The following PCDHA8 variants were observed in gnomAD, a reference collection of about 807,000 sequenced individuals.
The protein encoded by PCDHA8 is protocadherin alpha-8.
PCDHA8 carries 53 observed loss-of-function variants against 61.8 expected under a neutral mutation model. The observed-to-expected ratio is 0.86, with a 90% CI of 0.69 to 1.08. The LOEUF (loss-of-function observed/expected upper bound fraction) is 1.08, where lower values mean the gene tolerates loss of function less well. Among genes scored for constraint, PCDHA8 ranks in the 50% least tolerant of loss-of-function variants. The pLI is 0.00. For missense variants in PCDHA8, 1,293 were observed against 1,245.0 expected (o/e 1.04, Z -0.58); for synonymous variants, 618 against 556.6 (o/e 1.11, Z -1.55).
chr5:141,001,324 C>G (rs1455380423), intron 3 of PCDHA8, among the ~76,000 whole-genome samples: 2 of 152,154 alleles, frequency 1.3e-5, no homozygotes, highest in Non-Finnish European at 1.5e-5. Flanking sequence ...TGCCAAACAT[C>G]ACCATAATTT....
chr5:140,890,621 A>G (rs1209531386), intron 1 of PCDHA8, among the ~76,000 whole-genome samples: 1 of 152,174 alleles, frequency 6.6e-6, no homozygotes, highest in Non-Finnish European at 1.5e-5. Context: ...TACCCTAGAA[A>G]ATTAAGCATG....
rs2150325901 is a variant in PCDHA8 at position 140,841,940 on chromosome 5, G to A, written c.619G>A (p.Ala207Thr). ...RKSLDREDAP[A>T]HHLFLTATDG... Reference sequence around the variant, plus strand: ...ATCCTTGGACAGAGAGGACGCTCCTGCGCACCACTTATTCCTGACAGCCAC... The same window carrying A: ...ATCCTTGGACAGAGAGGACGCTCCTACGCACCACTTATTCCTGACAGCCAC... Residue 207 changes from alanine (A) to threonine (T), a missense_variant, in exon 1 of 4, where the codon GCG becomes ACG. Ala to Thr is a moderately conservative substitution (Grantham distance 58). Transcript: ENST00000531613. 5.0e-6 allele frequency: 8 copies of A among 1,613,930 alleles called. No individual in the cohort carries two copies. In the South Asian group the frequency reaches 6.6e-5, roughly 13 times the overall value.
At chr5:140,957,373 T>G (rs906109440) in intron 1 of PCDHA8, among the ~76,000 whole-genome samples, 1 of 152,192 alleles carries the variant, frequency 6.6e-6, no homozygotes, top group Non-Finnish European at 1.5e-5. Flanking sequence ...ACTTTTATTA[T>G]AGTGTATTGT....
rs955217729 is a variant in PCDHA8 at position 140,843,931 on chromosome 5, A to T, written c.2394+216A>T. The T allele has an allele frequency of 6.9e-6, 4 of 582,802 alleles. 1 individual carries two copies. Among genetic ancestry groups the T allele is most frequent in the Non-Finnish European group, 1.2e-5 (4 of 332,650 alleles). The allele number at this position is 582,802 out of a possible 1,614,324, so 36.1% of individuals were successfully genotyped here. Reference sequence around the variant, plus strand: ...TTGGGTCTATCTTGAAACTCAAGTTATGGTTGGATGATATCCATTTTTTAC... The same window carrying T: ...TTGGGTCTATCTTGAAACTCAAGTTTTGGTTGGATGATATCCATTTTTTAC... On this transcript the variant is annotated intron_variant, in intron 1 of 3. Coordinates refer to ENST00000531613, the MANE Select transcript of PCDHA8 (RefSeq NM_018911.3).
chr5:140,974,309 TGA>T (rs1190034770), intron 1 of PCDHA8, among the ~76,000 whole-genome samples: 4 of 152,212 alleles, frequency 2.6e-5, no homozygotes, highest in South Asian at 4.1e-4. Context: ...CAACTGTGAG[TGA>T]GAGAGTAGCT....
chr5:140,991,139 G>GT (rs1563571112), intron 3 of PCDHA8, among the ~76,000 whole-genome samples: 3 of 152,126 alleles, frequency 2.0e-5, no homozygotes, highest in Non-Finnish European at 4.4e-5. Flanking sequence ...TAGTAAAAAT[G>GT]TTTTTTGCTC....
intron 1 of PCDHA8, among the ~76,000 whole-genome samples, chr5:140,935,971 C>A (rs1563151362): frequency 6.7e-6 from 1 of 149,774 alleles, no homozygotes; most frequent in African/African-American, 2.5e-5. Context: ...TGGCTCACTG[C>A]AATCTCTGCC....
At chr5:140,926,782 C>G in intron 1 of PCDHA8, 1 of 1,403,504 alleles carries the variant, frequency 7.1e-7, no homozygotes, top group Non-Finnish European at 9.3e-7. Context: ...GCAGTGACGG[C>G]CGGCAGGAGC....
intron 2 of PCDHA8, among the ~76,000 whole-genome samples, chr5:140,979,303 C>A (rs1048294748): frequency 6.6e-6 from 1 of 152,148 alleles, no homozygotes; most frequent in Non-Finnish European, 1.5e-5. Context: ...CTCCTTCATC[C>A]CTCTCTACCT....
At chr5:140,923,753 T>C (rs1554201575) in intron 1 of PCDHA8, among the ~76,000 whole-genome samples, 1 of 152,174 alleles carries the variant, frequency 6.6e-6, no homozygotes. Flanking sequence ...AGGCATATGG[T>C]GGGACAAATC....
rs574140858 is a variant in PCDHA8 at position 140,929,782 on chromosome 5, A to C, written c.2395-49167A>C. On this transcript the variant is annotated intron_variant, in intron 1 of 3. Coordinates refer to ENST00000531613, the MANE Select transcript of PCDHA8 (RefSeq NM_018911.3). The stretch of plus-strand genomic sequence containing the variant: ...GACGATAACCACAAAAGATGTAAAA[A>C]TAAATTACAATGGGGGTTAAAAGAA... The C allele has an allele frequency of 1.8e-5, 3 of 168,346 alleles. No individual in the cohort carries two copies. The Admixed American group carries it at 1.9e-4, about 11-fold the overall frequency. 10.4% of individuals were successfully genotyped at this position (168,346 alleles called of 1,614,324 possible). A position where few individuals can be genotyped will look rare whatever the true frequency, so the allele number is the denominator to read the frequency against.
rs1234661148 is a variant in PCDHA8, at chr5:141,010,706, T to C, written c.*769T>C. 2 of 155,338 alleles carry C rather than the reference T, an allele frequency of 1.3e-5. No individual in the cohort carries two copies. Among genetic ancestry groups the C allele is most frequent in the African/African-American group, 4.8e-5 (2 of 41,492 alleles). The allele number at this position is 155,338 out of a possible 1,614,324, so 9.6% of individuals were successfully genotyped here. A position where few individuals can be genotyped will look rare whatever the true frequency, so the allele number is the denominator to read the frequency against. The stretch of plus-strand genomic sequence containing the variant: ...AGATCTGATGTGTTTCCTATACATG[T>C]CCTGTGCTCACTTTATTAAAAATTC... On this transcript the variant is annotated 3_prime_UTR_variant, in exon 4 of 4. Transcript: ENST00000531613.
chr5:140,967,748 G>T, intron 1 of PCDHA8: 1 of 1,614,204 alleles, frequency 6.2e-7, no homozygotes, highest in Non-Finnish European at 8.5e-7. Context: ...TTATGAGGAA[G>T]CCTCCTCCTA....
At chr5:140,874,079 T>C (rs1397045171) in intron 1 of PCDHA8, among the ~76,000 whole-genome samples, 2 of 152,234 alleles carry the variant, frequency 1.3e-5, no homozygotes, top group African/African-American at 4.8e-5. Flanking sequence ...CCTGATGACA[T>C]CAAAATTCAA....
rs140822878 is a variant in PCDHA8 at position 140,941,951 on chromosome 5, A to C, written c.2395-36998A>C. Among the ~76,000 whole-genome samples the C allele has an allele frequency of 9.8e-5, 15 of 152,306 alleles. No individual in the cohort carries two copies. The East Asian group carries it at 2.7e-3, about 27-fold the overall frequency. On this transcript the variant is annotated intron_variant, in intron 1 of 3. Transcript: ENST00000531613. Reference sequence around the variant, plus strand: ...ATATTTGAATTACTTTTGTTTTGAAAACAATAGTATCTTTACTTTCCCTAA... The same window carrying C: ...ATATTTGAATTACTTTTGTTTTGAACACAATAGTATCTTTACTTTCCCTAA...
intron 3 of PCDHA8, among the ~76,000 whole-genome samples, chr5:140,999,046 T>C (rs2097844534): frequency 6.6e-6 from 1 of 152,228 alleles, no homozygotes; most frequent in South Asian, 2.1e-4. Flanking sequence ...CAGTGTGCTT[T>C]CCACCATGCC....
intron 1 of PCDHA8, chr5:140,861,198 G>A: frequency 6.1e-6 from 1 of 162,948 alleles, no homozygotes; most frequent in Non-Finnish European, 1.3e-5. Context: ...ATGAAATATT[G>A]TTTTACTAAC....
chr5:140,917,378 A>G (rs532934226), intron 1 of PCDHA8, among the ~76,000 whole-genome samples: 4 of 150,894 alleles, frequency 2.7e-5, no homozygotes, highest in South Asian at 2.1e-4. Context: ...CTCCACCTCA[A>G]TAGTCTGATG....
chr5:140,886,373 G>A (rs2060960480), intron 1 of PCDHA8, among the ~76,000 whole-genome samples: 2 of 152,042 alleles, frequency 1.3e-5, no homozygotes. Context: ...ACATGCCATG[G>A]TGTGCTTATC....
Sources: gnomAD v4.1 joint callset for allele counts (sites outside exome capture counted in the v4.1 genomes callset) on GRCh38, gnomAD v4.1.1 for gene constraint, MANE v1.5 for transcripts, NCBI Gene and HGNC (gene_info 2026-07-23, HGNC 2026-07-21) for gene names.